PPP4R2: variants seen among roughly 807,000 people sequenced by gnomAD.
The protein encoded by PPP4R2 is serine/threonine-protein phosphatase 4 regulatory subunit 2.
A neutral mutation model predicts 47.2 loss-of-function variants in PPP4R2; 13 were observed. That is an observed-to-expected ratio of 0.28 (90% CI 0.18 to 0.44). PPP4R2 has a LOEUF of 0.44. PPP4R2 is among the 20% of genes least tolerant of loss of function. PPP4R2 has a pLI of 1.00. For synonymous variants in PPP4R2, 151 were observed against 163.3 expected (o/e 0.92, Z 0.57); for missense variants, 421 against 491.2 (o/e 0.86, Z 1.35).
intron 2 of PPP4R2, among the ~76,000 whole-genome samples, chr3:73,002,645 T>C (rs1479268997): frequency 1.2e-4 from 10 of 86,772 alleles, no homozygotes; most frequent in Non-Finnish European, 1.8e-4. Flanking sequence ...TTTTTTTTTT[T>C]TTTTTTTTTT....
intron 2 of PPP4R2, among the ~76,000 whole-genome samples, chr3:73,017,384 A>G (rs549319600): frequency 3.3e-5 from 5 of 152,148 alleles, no homozygotes; most frequent in Non-Finnish European, 7.3e-5. Context: ...TGTATTTTAC[A>G]GTCCAGGTCA....
intron 3 of PPP4R2, among the ~76,000 whole-genome samples, chr3:73,056,296 TAC>T (rs3078695): frequency 0.25 from 38,373 of 152,064 alleles, 5,869 homozygotes; most frequent in Non-Finnish European, 0.36. Flanking sequence ...GCACTTTTTA[TAC>T]AGTGTTGTTA....
At chr3:73,020,378 C>T (rs965831302) in intron 2 of PPP4R2, among the ~76,000 whole-genome samples, 2 of 151,944 alleles carry the variant, frequency 1.3e-5, no homozygotes, top group Non-Finnish European at 2.9e-5. Flanking sequence ...ATTATTTTGG[C>T]CAGTTGTGGT....
At chr3:73,014,447 A>G (rs1027009787) in intron 2 of PPP4R2, among the ~76,000 whole-genome samples, 1 of 151,980 alleles carries the variant, frequency 6.6e-6, no homozygotes, top group African/African-American at 2.4e-5. Flanking sequence ...CACCACACCC[A>G]GCTAATTTAT....
intron 2 of PPP4R2, among the ~76,000 whole-genome samples, chr3:73,024,624 T>C (rs1702021911): frequency 3.3e-5 from 5 of 151,944 alleles, no homozygotes. Context: ...CCCAAAGGAG[T>C]TTCTTTTCTC....
chr3:73,041,133 A>G (rs1022390909), intron 2 of PPP4R2, among the ~76,000 whole-genome samples: 30 of 152,138 alleles, frequency 2.0e-4, no homozygotes, highest in African/African-American at 6.8e-4. Flanking sequence ...AATATTTTTC[A>G]GTTTACTGAC....
intron 3 of PPP4R2, among the ~76,000 whole-genome samples, chr3:73,056,294 TA>T (rs1702730164): frequency 7.2e-6 from 1 of 139,290 alleles, no homozygotes; most frequent in African/African-American, 2.5e-5. Context: ...TGGCACTTTT[TA>T]TACAGTGTTG....
rs1278122233 is a variant in PPP4R2 at position 72,998,065 on chromosome 3, T to A, written c.35-12T>A. 1.3e-6 allele frequency: 2 copies of A among 1,591,356 alleles called. No homozygotes were observed. Among genetic ancestry groups the A allele is most frequent in the Non-Finnish European group, 1.7e-6 (2 of 1,164,886 alleles). On this transcript the variant is annotated splice_polypyrimidine_tract_variant and intron_variant, in intron 1 of 8. Transcript: ENST00000356692. ...GAAAACTGATAACGTTTTTTTTTCT[T>A]CCTTCATCTAGATTTTGAGAAGAGG...
chr3:73,025,549 A>G (rs1032776808), intron 2 of PPP4R2, among the ~76,000 whole-genome samples: 1 of 152,230 alleles, frequency 6.6e-6, no homozygotes, highest in African/African-American at 2.4e-5. Context: ...GAAGTTATAA[A>G]CAAAGTGCTT....
chr3:73,059,792 G>A (rs1243639424), intron 4 of PPP4R2, among the ~76,000 whole-genome samples: 4 of 151,920 alleles, frequency 2.6e-5, no homozygotes, highest in African/African-American at 7.3e-5. Flanking sequence ...AAAACTAGCC[G>A]GGCGTGGTGG....
intron 2 of PPP4R2, among the ~76,000 whole-genome samples, chr3:73,046,031 A>G (rs77105281): frequency 0.011 from 1,625 of 152,354 alleles, 26 homozygotes; most frequent in East Asian, 0.04. Flanking sequence ...TAATGAAATT[A>G]GTAATTTTTA....
chr3:73,022,723 C>G (rs1701984680), intron 2 of PPP4R2, among the ~76,000 whole-genome samples: 1 of 150,108 alleles, frequency 6.7e-6, no homozygotes, highest in Non-Finnish European at 1.5e-5. Flanking sequence ...ATTGGAAAGT[C>G]TTTGAAACAT....
In PPP4R2 at chr3:73,036,086, C is replaced by T. The variant is rs567860422; in HGVS notation, c.117-11100C>T. Reference sequence around the variant, plus strand: ...ATAAAAAGAATGAATGAAGTCCCATCCTTTGCACCAATGTGGATGGAACTG... The same window carrying T: ...ATAAAAAGAATGAATGAAGTCCCATTCTTTGCACCAATGTGGATGGAACTG... On this transcript the variant is annotated intron_variant, in intron 2 of 8. Transcript: ENST00000356692. Among the ~76,000 whole-genome samples, 6 of 152,284 alleles carry T rather than the reference C, an allele frequency of 3.9e-5. 1 individual carries two copies. The South Asian group carries it at 1.2e-3, about 32-fold the overall frequency.
chr3:73,060,978 G>C (rs749944884), intron 4 of PPP4R2, 45 bp from the exon 5 acceptor site: 2 of 1,374,696 alleles, frequency 1.5e-6, no homozygotes, highest in African/African-American at 2.9e-5. Context: ...ACTTTATGTT[G>C]TAGTACTTTT....
chr3:73,001,781 GGC>G (rs1218720933), intron 2 of PPP4R2, among the ~76,000 whole-genome samples: 1 of 151,814 alleles, frequency 6.6e-6, no homozygotes, highest in East Asian at 1.9e-4. Flanking sequence ...TGGGACTACA[GGC>G]ACACACAACT....
chr3:73,060,850 T>C (rs893333805), intron 4 of PPP4R2, among the ~76,000 whole-genome samples, 173 bp from the exon 5 acceptor site: 2 of 152,162 alleles, frequency 1.3e-5, no homozygotes, highest in South Asian at 2.1e-4. Context: ...TCCTTTGTTA[T>C]TGTTTTAGTT....
chr3:73,036,017 GTATA>G (rs1474216785), intron 2 of PPP4R2, among the ~76,000 whole-genome samples: 2 of 152,170 alleles, frequency 1.3e-5, no homozygotes, highest in African/African-American at 4.8e-5. Context: ...AGAAAATGGT[GTATA>G]TATACGCACA....
intron 2 of PPP4R2, among the ~76,000 whole-genome samples, chr3:73,006,256 G>A (rs1025930016): frequency 1.3e-4 from 18 of 141,380 alleles, no homozygotes; most frequent in Admixed American, 7.6e-4. Context: ...CTGGAATACA[G>A]TGGTATGATC....
At chr3:73,015,895 C>G (rs1337857647) in intron 2 of PPP4R2, 1 of 343,730 alleles carries the variant, frequency 2.9e-6, no homozygotes, top group South Asian at 2.0e-5. Context: ...GCTTTGGCCT[C>G]CCAAAGTGCT....
Sources: gnomAD v4.1 joint callset for allele counts (sites outside exome capture counted in the v4.1 genomes callset) on GRCh38, gnomAD v4.1.1 for gene constraint, MANE v1.5 for transcripts, NCBI Gene and HGNC (gene_info 2026-07-23, HGNC 2026-07-21) for gene names.